SLC13A1: variants seen among roughly 807,000 people sequenced by gnomAD.
SLC13A1 encodes the protein solute carrier family 13 member 1.
SLC13A1 carries 65 observed loss-of-function variants against 70.0 expected under a neutral mutation model. The observed-to-expected ratio is 0.93, with a 90% CI of 0.76 to 1.14. The LOEUF (loss-of-function observed/expected upper bound fraction) is 1.14. Among genes scored for constraint, SLC13A1 ranks in the 50% most tolerant of loss-of-function variants. The pLI is 0.00. For synonymous variants in SLC13A1, 275 were observed against 250.5 expected (o/e 1.10, Z -0.92); for missense variants, 726 against 717.8 (o/e 1.01, Z -0.13).
At chr7:123,131,749 G>A (rs2896323) in intron 8 of SLC13A1, among the ~76,000 whole-genome samples, 1 of 143,694 alleles carries the variant, frequency 7.0e-6, no homozygotes, top group Non-Finnish European at 1.5e-5. Context: ...GCATGAATCT[G>A]TGCAGTGTTT....
chr7:123,117,413 A>T, intron 14 of SLC13A1, 58 bp downstream of exon 14: 1 of 1,549,448 alleles, frequency 6.5e-7, no homozygotes, highest in Non-Finnish European at 8.9e-7. Context: ...ATAATTCAAG[A>T]CATGGCACAC....
At position 123,161,288 on chromosome 7, in the gene SLC13A1, C is replaced by A. The variant is rs1430009549; in HGVS notation, c.660+7086G>T. Among the ~76,000 whole-genome samples, 2 of 150,534 alleles carry A rather than the reference C, an allele frequency of 1.3e-5. 1 individual carries two copies. Among genetic ancestry groups the A allele is most frequent in the East Asian group, 3.9e-4 (2 of 5,118 alleles). On this transcript the variant is annotated intron_variant, in intron 6 of 14. Coordinates refer to ENST00000194130, the MANE Select transcript of SLC13A1 (RefSeq NM_022444.4). ...GAAATAAAGATTATTTAAAAATAAT[C>A]TTTAAATAATCTTTAAAAGCACAAG...
At chr7:123,184,400 C>G (rs537919758) in intron 1 of SLC13A1, among the ~76,000 whole-genome samples, 1 of 152,034 alleles carries the variant, frequency 6.6e-6, no homozygotes, top group African/African-American at 2.4e-5. Context: ...TGACTAACAT[C>G]TCTTTAACCC....
chr7:123,123,092 T>C (rs776199990), intron 12 of SLC13A1, 34 bp downstream of exon 12: 1 of 1,410,346 alleles, frequency 7.1e-7, no homozygotes, highest in South Asian at 1.2e-5. Flanking sequence ...AACAGTCTGG[T>C]TAATTGTTAA....
chr7:123,153,214 T>C (rs547769393), intron 6 of SLC13A1, among the ~76,000 whole-genome samples: 1 of 152,240 alleles, frequency 6.6e-6, no homozygotes, highest in East Asian at 1.9e-4. Context: ...TTATGCCTTA[T>C]GAATTAACCA....
chr7:123,120,230 C>T, intron 12 of SLC13A1, among the ~76,000 whole-genome samples: 1 of 152,042 alleles, frequency 6.6e-6, no homozygotes, highest in East Asian at 1.9e-4. Context: ...TTAATCTACT[C>T]TTTTGCATTG....
chr7:123,169,320 G>A lies in SLC13A1; in HGVS notation c.381C>T (p.Phe127=). Residue 127 remains phenylalanine (F), a synonymous_variant, in exon 4 of 15, where the codon TTC becomes TTT. Transcript: ENST00000194130. ...GVNPAWLTLG[F]MSSTAFLSMW... ...TAGACAAAAAGGCAGTGCTGCTCAT[G>A]AACCCCAGCGTCAGCCTGAAACCAG... The A allele has an allele frequency of 6.2e-7, 1 of 1,612,382 alleles. No homozygotes were observed. Among genetic ancestry groups the A allele is most frequent in the Non-Finnish European group, 8.5e-7 (1 of 1,179,934 alleles).
chr7:123,175,768 C>A (rs1007189566), intron 2 of SLC13A1, among the ~76,000 whole-genome samples: 3 of 152,090 alleles, frequency 2.0e-5, no homozygotes, highest in Admixed American at 2.0e-4. Context: ...TTTACCAATA[C>A]TCTGAGAATT....
chr7:123,124,136 A>G (rs1038308333), intron 11 of SLC13A1, among the ~76,000 whole-genome samples: 27 of 152,190 alleles, frequency 1.8e-4, no homozygotes, highest in African/African-American at 6.3e-4. Context: ...TAAGCCTTGT[A>G]TGAATGACTT....
intron 7 of SLC13A1, among the ~76,000 whole-genome samples, chr7:123,140,939 T>C (rs899284054): frequency 3.3e-5 from 5 of 152,074 alleles, no homozygotes; most frequent in Non-Finnish European, 2.9e-5. Context: ...CTCTGATATT[T>C]TCTTCTACTA....
intron 1 of SLC13A1, among the ~76,000 whole-genome samples, chr7:123,182,819 T>A (rs1795681783): frequency 6.6e-6 from 1 of 151,994 alleles, no homozygotes; most frequent in Non-Finnish European, 1.5e-5. Context: ...CCAGAATACT[T>A]CCATATTTTA....
chr7:123,166,288 T>C lies in SLC13A1; in HGVS notation c.660+2086A>G, dbSNP rs185349180. On this transcript the variant is annotated intron_variant, in intron 6 of 14. Coordinates refer to ENST00000194130, the MANE Select transcript of SLC13A1 (RefSeq NM_022444.4). ...TTGACTGAAACTTTAGGCCTTATGATAGAAAACTAGGTTTCCAAAGATGAC... is the reference window on the plus strand; with the variant it reads ...TTGACTGAAACTTTAGGCCTTATGACAGAAAACTAGGTTTCCAAAGATGAC... Among the ~76,000 whole-genome samples the C allele has an allele frequency of 1.7e-4, 26 of 152,244 alleles. No individual in the cohort carries two copies. The East Asian group carries it at 4.3e-3, about 25-fold the overall frequency.
At chr7:123,184,794 T>C (rs949148330) in intron 1 of SLC13A1, among the ~76,000 whole-genome samples, 2 of 152,108 alleles carry the variant, frequency 1.3e-5, no homozygotes, top group African/African-American at 4.8e-5. Flanking sequence ...GGAGTGCAGA[T>C]ATCTCCTCAA....
rs1563323923 is a variant in SLC13A1 at position 123,134,522 on chromosome 7, G to A, written c.820C>T (p.Pro274Ser). The change falls in exon 8 of 15, where the codon CCT becomes TCT. Residue 274 changes from proline to serine, a missense_variant. By Grantham distance (74) the Pro-to-Ser change is moderately conservative. Coordinates refer to ENST00000194130, the MANE Select transcript of SLC13A1 (RefSeq NM_022444.4). ...IFAEYFNTRY[P>S]DCRCLNFGSW... ...CCAAAGTTGAGGCAACGACAGTCAG[G>A]ATAGCGTCTGTGTGAAAACATGGAG... 1 of 1,613,036 alleles carries A rather than the reference G, an allele frequency of 6.2e-7. No individual in the cohort carries two copies. Among genetic ancestry groups the A allele is most frequent in the Non-Finnish European group, 8.5e-7 (1 of 1,179,374 alleles).
intron 1 of SLC13A1, among the ~76,000 whole-genome samples, chr7:123,195,466 A>G (rs1185125709): frequency 6.6e-6 from 1 of 151,634 alleles, no homozygotes; most frequent in Admixed American, 6.6e-5. Flanking sequence ...TTTTTAAATT[A>G]TCTCCTACTC....
chr7:123,197,313 T>G (rs1563361631), intron 1 of SLC13A1, among the ~76,000 whole-genome samples: 2 of 152,138 alleles, frequency 1.3e-5, no homozygotes. Flanking sequence ...GAATTATTTT[T>G]TATAATTGTG....
chr7:123,123,358 G>C (rs1793451255), intron 11 of SLC13A1, 123 bp from the exon 12 acceptor site: 1 of 626,832 alleles, frequency 1.6e-6, no homozygotes, highest in East Asian at 2.7e-5. Context: ...TTTTAAAGAG[G>C]GGAATTAATC....
chr7:123,125,337 A>G (rs1193094536), intron 11 of SLC13A1, among the ~76,000 whole-genome samples: 3 of 152,174 alleles, frequency 2.0e-5, no homozygotes, highest in African/African-American at 7.2e-5. Flanking sequence ...AGCCCTAGCC[A>G]TGATACAAAA....
intron 7 of SLC13A1, among the ~76,000 whole-genome samples, chr7:123,138,930 A>G (rs537104011): frequency 1.3e-5 from 2 of 152,064 alleles, no homozygotes; most frequent in South Asian, 2.1e-4. Flanking sequence ...ATGTGATGCT[A>G]TTTGTCCATT....
Sources: allele counts gnomAD v4.1 joint callset (sites outside exome capture counted in the v4.1 genomes callset), GRCh38; gene constraint gnomAD v4.1.1; transcripts MANE v1.5; gene names NCBI Gene and HGNC (gene_info 2026-07-23, HGNC 2026-07-21).